ADAMTS2: variants seen among roughly 807,000 people sequenced by gnomAD.
ADAMTS2 encodes ADAM metallopeptidase with thrombospondin type 1 motif 2, also known as A disintegrin and metalloproteinase with thrombospondin motifs 2.
Under a neutral mutation model 123.0 loss-of-function variants are expected in ADAMTS2, and 50 were observed. The observed-to-expected ratio is 0.41, with a 90% CI of 0.32 to 0.51. ADAMTS2 has a LOEUF of 0.51. Ranked by LOEUF, ADAMTS2 falls within the 20% of genes least tolerant of loss-of-function variation. The pLI is 0.35. For synonymous variants in ADAMTS2, 678 were observed against 695.4 expected, an observed-to-expected ratio of 0.98 and a Z score of 0.39; for missense variants, 1,494 against 1,705.2, an observed-to-expected ratio of 0.88 and a Z score of 2.18.
chr5:179,245,495 G>C (rs972137357), intron 3 of ADAMTS2, among the ~76,000 whole-genome samples: 2 of 151,982 alleles, frequency 1.3e-5, no homozygotes, highest in Non-Finnish European at 2.9e-5. Flanking sequence ...GGCCGGGCGC[G>C]GTGGCTCACG....
At chr5:179,236,541 A>G (rs1262912751) in intron 3 of ADAMTS2, among the ~76,000 whole-genome samples, 4 of 152,216 alleles carry the variant, frequency 2.6e-5, no homozygotes, top group African/African-American at 9.6e-5. Context: ...CTGTAATCCC[A>G]GCCCTTTGGA....
chr5:179,266,303 A>C (rs138739100), intron 3 of ADAMTS2, among the ~76,000 whole-genome samples: 2 of 152,354 alleles, frequency 1.3e-5, no homozygotes, highest in African/African-American at 4.8e-5. Context: ...AATGTGTTTA[A>C]ATCAGGGGTC....
At chr5:179,160,878 C>T (rs1328550822) in intron 5 of ADAMTS2, among the ~76,000 whole-genome samples, 4 of 152,228 alleles carry the variant, frequency 2.6e-5, no homozygotes, top group Middle Eastern at 3.4e-3. Context: ...TGTCTCTTTT[C>T]GGTTGGAGCA....
At position 179,324,943 on chromosome 5, in the gene ADAMTS2, G is replaced by C. The variant is rs561914748; in HGVS notation, c.534+18824C>G. 3.3e-5 allele frequency among the ~76,000 whole-genome samples: 5 copies of C among 152,204 alleles called. No homozygotes were observed. The East Asian group carries it at 9.7e-4, about 29-fold the overall frequency. ...GTCCTCAGGGACCCCCCCACTGTCT[G>C]CTCTGCTAATGCAAAGCCCATGAGG... On this transcript the variant is annotated intron_variant, in intron 2 of 21. Coordinates refer to ENST00000251582, the MANE Select transcript of ADAMTS2 (RefSeq NM_014244.5).
At chr5:179,207,475 T>TCCCCCCCCCCCCCCCCCCCCCCCCCC in intron 4 of ADAMTS2, 38 bp downstream of exon 4, 5 of 588,618 alleles carry the variant, frequency 8.5e-6, no homozygotes, top group Admixed American at 2.0e-5. Context: ...TGGTTGACCC[T>TCCCCCCCCCCCCCCCCCCCCCCCCCC]CCCCGCCCCA....
In ADAMTS2 at chr5:179,129,483, C is replaced by T. The variant is rs573573539; in HGVS notation, c.2457+449G>A. On this transcript the variant is annotated intron_variant, in intron 16 of 21. Coordinates refer to ENST00000251582, the MANE Select transcript of ADAMTS2 (RefSeq NM_014244.5). The surrounding 1 kb of genome is among the most constrained non-coding windows in gnomAD (Gnocchi z 4.1). ...GTAAAAAGAAAGTGATTTGAAAATC[C>T]AGCCCCCGTGGTACTTTCCTACAAC... 5.3e-5 allele frequency among the ~76,000 whole-genome samples: 8 copies of T among 152,264 alleles called. 1 individual carries two copies. In the South Asian group the frequency reaches 1.5e-3, roughly 28 times the overall value.
At chr5:179,253,181 T>G (rs1275160798) in intron 3 of ADAMTS2, among the ~76,000 whole-genome samples, 1 of 152,216 alleles carries the variant, frequency 6.6e-6, no homozygotes, top group African/African-American at 2.4e-5. Context: ...TTGGGGTTTG[T>G]CTCGTTTGTC....
intron 19 of ADAMTS2, 132 bp downstream of exon 19, chr5:179,124,841 A>G (rs1762823167): frequency 6.2e-7 from 1 of 1,600,226 alleles, no homozygotes; most frequent in Non-Finnish European, 8.5e-7. Context: ...GCCGGGCGTC[A>G]TTGCAGTGCT....
chr5:179,287,945 G>A (rs971936624), intron 2 of ADAMTS2, among the ~76,000 whole-genome samples: 7 of 152,252 alleles, frequency 4.6e-5, no homozygotes. Context: ...TGTGCAACAA[G>A]GATCAGCCTT....
At chr5:179,200,448 C>T (rs754017131) in intron 4 of ADAMTS2, among the ~76,000 whole-genome samples, 1 of 152,046 alleles carries the variant, frequency 6.6e-6, no homozygotes, top group Non-Finnish European at 1.5e-5. Context: ...GAGGTTTTGT[C>T]ATGTTGGCCA....
chr5:179,220,157 G>A (rs763566056), intron 3 of ADAMTS2, among the ~76,000 whole-genome samples: 3 of 152,226 alleles, frequency 2.0e-5, no homozygotes, highest in Non-Finnish European at 4.4e-5. Flanking sequence ...GGGGGCCGAT[G>A]GAGAGGCCGG....
In ADAMTS2 at chr5:179,262,065, C is replaced by T. The variant is rs1766243257; in HGVS notation, c.688+10846G>A. On this transcript the variant is annotated intron_variant, in intron 3 of 21. Transcript: ENST00000251582. The surrounding 1 kb of genome is among the most constrained non-coding windows in gnomAD (Gnocchi z 5.9). ...GGGTCTTGGCCTTGGCACCTTCTTT[C>T]CTGGGAAAACACCTCCCTCTGGGCC... Among the ~76,000 whole-genome samples the T allele has an allele frequency of 6.6e-6, 1 of 152,170 alleles. No individual in the cohort carries two copies. Among genetic ancestry groups the T allele is most frequent in the South Asian group, 2.1e-4 (1 of 4,834 alleles).
At chr5:179,179,317 C>T (rs1763997381) in intron 5 of ADAMTS2, among the ~76,000 whole-genome samples, 1 of 151,532 alleles carries the variant, frequency 6.6e-6, no homozygotes, top group South Asian at 2.1e-4. Context: ...AATTCTGCTG[C>T]CCCCACCCCT....
At chr5:179,143,823 C>T (rs1763211936) in intron 10 of ADAMTS2, among the ~76,000 whole-genome samples, 1 of 152,104 alleles carries the variant, frequency 6.6e-6, no homozygotes, top group Non-Finnish European at 1.5e-5. Flanking sequence ...ACTTTAGTTC[C>T]ATATTCCATT....
At chr5:179,192,334 A>C (rs1942544882) in intron 4 of ADAMTS2, among the ~76,000 whole-genome samples, 1 of 152,216 alleles carries the variant, frequency 6.6e-6, no homozygotes, top group African/African-American at 2.4e-5. Context: ...CCTCCCTGAA[A>C]GCGCAGTCAT....
Position 179,216,973 on chromosome 5 carries a change from T to C in ADAMTS2, c.689-9258A>G, listed in dbSNP as rs999787937. Among the ~76,000 whole-genome samples, 9 of 152,330 alleles carry C rather than the reference T, an allele frequency of 5.9e-5. No individual in the cohort carries two copies. In the East Asian group the frequency reaches 1.7e-3, roughly 29 times the overall value. On this transcript the variant is annotated intron_variant, in intron 3 of 21. Transcript: ENST00000251582. ...ACAGGATGTCTATCGGATAGCCCAG[T>C]GCCCTCCTTGGACTGACCCTTGGCC... is the stretch of plus-strand genomic sequence containing the variant.
intron 2 of ADAMTS2, among the ~76,000 whole-genome samples, chr5:179,293,308 C>T (rs1225014399): frequency 6.6e-6 from 1 of 152,260 alleles, no homozygotes; most frequent in African/African-American, 2.4e-5. Flanking sequence ...AGCTGACTCC[C>T]ACATGAGCAG....
Position 179,175,124 on chromosome 5 carries a change from A to C in ADAMTS2, c.975+5948T>G, listed in dbSNP as rs1477831474. ...CTGTCTCAGCCATTCTTGACTGTTC[A>C]TGTTCCTTTGGAGGAAGTCTCTTCC... On this transcript the variant is annotated intron_variant, in intron 5 of 21. Transcript: ENST00000251582. The surrounding 1 kb of genome is among the most constrained non-coding windows in gnomAD (Gnocchi z 4.1). Among the ~76,000 whole-genome samples the C allele has an allele frequency of 6.9e-6, 1 of 145,042 alleles. No individual in the cohort carries two copies. Among genetic ancestry groups the C allele is most frequent in the African/African-American group, 2.6e-5 (1 of 38,240 alleles).
chr5:179,321,318 T>A (rs1757166302), intron 2 of ADAMTS2, among the ~76,000 whole-genome samples: 1 of 152,138 alleles, frequency 6.6e-6, no homozygotes. Flanking sequence ...CCGCAGCTGA[T>A]GTCTGCCCCA....
Sources: allele counts gnomAD v4.1 joint callset (sites outside exome capture counted in the v4.1 genomes callset), GRCh38; gene constraint gnomAD v4.1.1; non-coding constraint Gnocchi (gnomAD v3.1); transcripts MANE v1.5; gene names NCBI Gene and HGNC (gene_info 2026-07-23, HGNC 2026-07-21).